The following PARD3B variants were observed in gnomAD, a reference collection of about 807,000 sequenced individuals.
The protein encoded by PARD3B is partitioning defective 3 homolog B.
In PARD3B, 103 loss-of-function variants were observed where a neutral mutation model predicts 130.2. That is an observed-to-expected ratio of 0.79 (90% CI 0.67 to 0.93). The LOEUF is 0.93. Among genes scored for constraint, PARD3B ranks in the 40% least tolerant of loss-of-function variants. PARD3B has a pLI of 0.00. For missense variants in PARD3B, 1,609 were observed against 1,499.2 expected (o/e 1.07, Z -1.21); for synonymous variants, 583 against 553.2 (o/e 1.05, Z -0.76).
rs184027116 is a variant in PARD3B at position 205,016,259 on chromosome 2, A to C, written c.395-31322A>C. On this transcript the variant is annotated intron_variant, in intron 3 of 22. Coordinates refer to ENST00000406610, the MANE Select transcript of PARD3B (RefSeq NM_001302769.2). ...GGGAACTGTAATGGCCTCCTCTAGC[A>C]CATAGAATGAAATGTAAACCCTTCT... 2.0e-5 allele frequency among the ~76,000 whole-genome samples: 3 copies of C among 152,322 alleles called. No homozygotes were observed. In the East Asian group the frequency reaches 5.8e-4, roughly 29 times the overall value.
chr2:205,355,768 G>T (rs763004200), intron 18 of PARD3B, among the ~76,000 whole-genome samples: 4 of 152,298 alleles, frequency 2.6e-5, no homozygotes, highest in Non-Finnish European at 5.9e-5. Flanking sequence ...CAGCATGGCT[G>T]GGGAGGCCTC....
At chr2:205,277,114 T>A (rs1002141034) in intron 16 of PARD3B, among the ~76,000 whole-genome samples, 1 of 152,226 alleles carries the variant, frequency 6.6e-6, no homozygotes, top group African/African-American at 2.4e-5. Flanking sequence ...GAAGGTTCCA[T>A]TTGCCAGACA....
intron 22 of PARD3B, among the ~76,000 whole-genome samples, chr2:205,612,459 T>C (rs1283096009): frequency 6.6e-6 from 1 of 152,162 alleles, no homozygotes; most frequent in East Asian, 1.9e-4. Flanking sequence ...GTTTTTTTAA[T>C]AATTTAAAAT....
At chr2:204,679,634 TTTG>T (rs1309562027) in intron 1 of PARD3B, among the ~76,000 whole-genome samples, 2 of 152,074 alleles carry the variant, frequency 1.3e-5, no homozygotes, top group Admixed American at 6.5e-5. Flanking sequence ...TTCATAAGTA[TTTG>T]ATTTTATGCT....
chr2:204,955,907 G>A (rs2125834686), intron 2 of PARD3B, among the ~76,000 whole-genome samples: 1 of 152,264 alleles, frequency 6.6e-6, no homozygotes, highest in South Asian at 2.1e-4. Flanking sequence ...ACACTGGAGG[G>A]CCTGGTGCAG....
chr2:205,097,385 A>G (rs1169686445), intron 4 of PARD3B, among the ~76,000 whole-genome samples: 2 of 152,168 alleles, frequency 1.3e-5, no homozygotes, highest in African/African-American at 4.8e-5. Context: ...CACAACATGT[A>G]AAAGGAGACC....
intron 3 of PARD3B, among the ~76,000 whole-genome samples, chr2:204,982,877 C>T (rs1692795027): frequency 6.6e-6 from 1 of 152,124 alleles, no homozygotes; most frequent in African/African-American, 2.4e-5. Context: ...TAGAGCTTGT[C>T]TTTTTTGTCT....
intron 4 of PARD3B, among the ~76,000 whole-genome samples, chr2:205,082,276 C>T (rs1701463516): frequency 1.3e-5 from 2 of 152,078 alleles, no homozygotes; most frequent in African/African-American, 4.8e-5. Context: ...CCAAGATCCC[C>T]AGTAGATGCC....
chr2:205,566,983 G>A (rs996075484), intron 22 of PARD3B, among the ~76,000 whole-genome samples: 2 of 152,212 alleles, frequency 1.3e-5, no homozygotes, highest in Non-Finnish European at 2.9e-5. Context: ...GTGACTAAGC[G>A]TAGCTCTGAC....
intron 2 of PARD3B, among the ~76,000 whole-genome samples, chr2:204,861,257 A>T (rs1399223486): frequency 6.7e-6 from 1 of 149,842 alleles, no homozygotes; most frequent in Non-Finnish European, 1.5e-5. Flanking sequence ...TAATTAATTT[A>T]GATGACTTTC....
Position 204,823,278 on chromosome 2 carries a change from T to C in PARD3B, c.222+136996T>C, listed in dbSNP as rs550155168. Among the ~76,000 whole-genome samples, 79 of 152,264 alleles carry C rather than the reference T, an allele frequency of 5.2e-4. 1 individual carries two copies. Among genetic ancestry groups the C allele is most frequent in the African/African-American group, 1.7e-3 (70 of 41,554 alleles). ...CTTATTATTTTATTGAAAAAATAAG[T>C]GTCATTTATATATTACATGTACTAT... On this transcript the variant is annotated intron_variant, in intron 2 of 22. Coordinates refer to ENST00000406610, the MANE Select transcript of PARD3B (RefSeq NM_001302769.2).
At chr2:205,428,268 T>C (rs977840425) in intron 19 of PARD3B, among the ~76,000 whole-genome samples, 1 of 152,164 alleles carries the variant, frequency 6.6e-6, no homozygotes, top group African/African-American at 2.4e-5. Flanking sequence ...TAGTCCCAGC[T>C]ACTCAGGAGG....
chr2:204,908,617 C>A (rs993849926), intron 2 of PARD3B, among the ~76,000 whole-genome samples: 1 of 152,110 alleles, frequency 6.6e-6, no homozygotes, highest in Admixed American at 6.5e-5. Context: ...AAAGAATACA[C>A]GAGACTGAAA....
chr2:205,173,718 A>G (rs1225747731), intron 12 of PARD3B, among the ~76,000 whole-genome samples: 1 of 152,146 alleles, frequency 6.6e-6, no homozygotes, highest in Non-Finnish European at 1.5e-5. Context: ...TATTTTCAAC[A>G]TTTGTGTCTG....
At chr2:204,825,709 T>G (rs1336818948) in intron 2 of PARD3B, among the ~76,000 whole-genome samples, 1 of 152,194 alleles carries the variant, frequency 6.6e-6, no homozygotes, top group East Asian at 1.9e-4. Context: ...TATATATAGT[T>G]TCCCAGTAAT....
At chr2:205,519,417 GCT>G (rs2050938296) in intron 21 of PARD3B, among the ~76,000 whole-genome samples, 1 of 152,170 alleles carries the variant, frequency 6.6e-6, no homozygotes, top group Non-Finnish European at 1.5e-5. Context: ...GTGTTATTCA[GCT>G]CTGTCAGACC....
rs180842603 is a variant in PARD3B at position 205,253,764 on chromosome 2, A to G, written c.2185+7942A>G. 3.4e-3 allele frequency among the ~76,000 whole-genome samples: 512 copies of G among 152,258 alleles called. 3 individuals carry two copies. The highest frequency in any genetic ancestry group is 0.012 in the African/African-American group (491 of 41,552). On this transcript the variant is annotated intron_variant, in intron 16 of 22. Coordinates refer to ENST00000406610, the MANE Select transcript of PARD3B (RefSeq NM_001302769.2). This position sits in a 1 kb window ranked among gnomAD's most constrained non-coding sequence, Gnocchi z 4.4. ...AAGATTCCATATGAGCAAAGTGCAG[A>G]AAGTGAGAAAAAAGGACCAAGTTGG...
chr2:205,089,273 C>G (rs535996641), intron 4 of PARD3B, among the ~76,000 whole-genome samples: 1 of 150,614 alleles, frequency 6.6e-6, no homozygotes, highest in African/African-American at 2.4e-5. Context: ...AGAGTTCAAG[C>G]GATTCTCCTG....
At chr2:205,233,541 TA>T (rs1231289076) in intron 15 of PARD3B, among the ~76,000 whole-genome samples, 6 of 152,182 alleles carry the variant, frequency 3.9e-5, no homozygotes, top group East Asian at 3.9e-4. Flanking sequence ...TTAAGACATA[TA>T]AAAATATATT....
Sources: gnomAD v4.1 joint callset for allele counts (sites outside exome capture counted in the v4.1 genomes callset) on GRCh38, gnomAD v4.1.1 for gene constraint, Gnocchi (gnomAD v3.1) non-coding constraint, MANE v1.5 for transcripts, NCBI Gene and HGNC (gene_info 2026-07-23, HGNC 2026-07-21) for gene names.